Variants in MYO9A observed in about 807,000 individuals in gnomAD.
MYO9A encodes myosin IXA.
Under a neutral mutation model 293.3 loss-of-function variants are expected in MYO9A, and 103 were observed. The ratio of observed to expected loss-of-function variants is 0.35; its 90% CI spans 0.30 to 0.41. The LOEUF (loss-of-function observed/expected upper bound fraction) is 0.41. Ranked by LOEUF, MYO9A falls within the 10% of genes least tolerant of loss-of-function variation. The probability of loss-of-function intolerance (pLI) is 1.00; values close to 1 mark genes in which losing one functional copy is unlikely to be tolerated. For missense variants in MYO9A, 2,685 were observed against 3,033.0 expected (o/e 0.89, Z 2.69); for synonymous variants, 1,001 against 1,035.7 (o/e 0.97, Z 0.64).
intron 32 of MYO9A, among the ~76,000 whole-genome samples, chr15:71,866,907 A>T (rs1043854693): frequency 1.3e-5 from 2 of 152,178 alleles, no homozygotes; most frequent in East Asian, 3.9e-4. Context: ...AAATACAAAA[A>T]TTAGCCAGGC....
chr15:72,056,048 C>T (rs186806997), intron 1 of MYO9A, among the ~76,000 whole-genome samples: 23 of 152,156 alleles, frequency 1.5e-4, no homozygotes, highest in Middle Eastern at 6.8e-3. Context: ...ACCAACATGG[C>T]GAAACCCCAT....
intron 1 of MYO9A, among the ~76,000 whole-genome samples, chr15:72,107,481 A>T (rs1439239504): frequency 6.6e-6 from 1 of 152,200 alleles, no homozygotes; most frequent in Non-Finnish European, 1.5e-5. Context: ...CCCCGGAGGC[A>T]GAAGTTGCAG....
chr15:72,029,842 T>C (rs1361689562), intron 3 of MYO9A, among the ~76,000 whole-genome samples: 1 of 152,204 alleles, frequency 6.6e-6, no homozygotes, highest in African/African-American at 2.4e-5. Context: ...AAGCTTTAGA[T>C]TACTGAATCC....
intron 1 of MYO9A, among the ~76,000 whole-genome samples, chr15:72,116,309 C>T (rs2080975842): frequency 6.6e-6 from 1 of 152,154 alleles, no homozygotes; most frequent in African/African-American, 2.4e-5. Context: ...GTGTGTATGA[C>T]TACAAAGACC....
Position 71,979,935 on chromosome 15 carries a change from G to A in MYO9A, c.1723-1643C>T, listed in dbSNP as rs549036226. Among the ~76,000 whole-genome samples the A allele has an allele frequency of 4.6e-5, 7 of 152,296 alleles. No homozygotes were observed. In the South Asian group the frequency reaches 6.2e-4, roughly 14 times the overall value. ...GATGCTGATGCTATTATTGAGGAGA[G>A]AGAAGGAATAAACTTTGAGAATCAC... On this transcript the variant is annotated intron_variant, in intron 11 of 41. Coordinates refer to ENST00000356056, the MANE Select transcript of MYO9A (RefSeq NM_006901.4).
At chr15:71,936,375 G>T (rs927043814) in intron 16 of MYO9A, among the ~76,000 whole-genome samples, 4 of 152,110 alleles carry the variant, frequency 2.6e-5, no homozygotes, top group African/African-American at 9.7e-5. Context: ...CGAAGTTACA[G>T]TAAGACAACA....
In MYO9A at chr15:72,046,406, A is replaced by T. The variant is rs1243864830; in HGVS notation, c.158T>A (p.Leu53His). The T allele has an allele frequency of 6.2e-7, 1 of 1,614,052 alleles. No homozygotes were observed. Among genetic ancestry groups the T allele is most frequent in the African/African-American group, 1.3e-5 (1 of 74,914 alleles). The change falls in exon 2 of 42, where the codon CTT becomes CAT. Residue 53 changes from leucine to histidine, a missense_variant. This residue lies in a region of MYO9A where 22 missense variants were observed against 47.2 expected (regional missense o/e 0.47). Coordinates refer to ENST00000356056, the MANE Select transcript of MYO9A (RefSeq NM_006901.4). ...ATAACATTTTGTTTTGTCAAGATGA[A>T]GTTTGTTTATAAGAGACTCAATCAC... ...AEVIESLINK[L>H]HLDKTKCYVL...
At chr15:71,875,974 G>A (rs1032200523) in intron 31 of MYO9A, 136 bp from the exon 32 acceptor site, 1 of 444,484 alleles carries the variant, frequency 2.2e-6, no homozygotes. Flanking sequence ...GAGGAACTGT[G>A]CAGTGCTAAT....
Position 71,826,577 on chromosome 15 carries a change from G to T in MYO9A, c.*3C>A, listed in dbSNP as rs573783945. ...AGCCACGGAGGGACACACATCTGCC[G>T]GTTCAGACCATAAATTCATTATTTC... On this transcript the variant is annotated 3_prime_UTR_variant, in exon 42 of 42. Coordinates refer to ENST00000356056, the MANE Select transcript of MYO9A (RefSeq NM_006901.4). The T allele has an allele frequency of 1.3e-6, 2 of 1,576,948 alleles. No individual in the cohort carries two copies. The highest frequency in any genetic ancestry group is 2.4e-5 in the South Asian group (2 of 83,470).
At chr15:71,926,615 G>A (rs927616895) in intron 18 of MYO9A, among the ~76,000 whole-genome samples, 7 of 152,176 alleles carry the variant, frequency 4.6e-5, no homozygotes, top group South Asian at 4.1e-4. Context: ...GCTAAGGCAC[G>A]AGAACTGATT....
chr15:71,828,541 A>G (rs2054600807), intron 40 of MYO9A, among the ~76,000 whole-genome samples: 1 of 152,044 alleles, frequency 6.6e-6, no homozygotes, highest in African/African-American at 2.4e-5. Flanking sequence ...GAAGAAAAAC[A>G]CTGATTGATC....
At chr15:72,098,206 T>A (rs920388250) in intron 1 of MYO9A, among the ~76,000 whole-genome samples, 2 of 151,740 alleles carry the variant, frequency 1.3e-5, no homozygotes, top group African/African-American at 4.8e-5. Context: ...AGGTCATAAA[T>A]GGCAACATGG....
chr15:71,904,892 G>C, intron 20 of MYO9A, 34 bp downstream of exon 20: 1 of 1,492,924 alleles, frequency 6.7e-7, no homozygotes, highest in South Asian at 1.2e-5. Context: ...GAAGTAAGCT[G>C]AGATATGTGC....
chr15:72,098,053 T>A (rs1018717354), intron 1 of MYO9A, among the ~76,000 whole-genome samples: 1 of 152,176 alleles, frequency 6.6e-6, no homozygotes, highest in Admixed American at 6.5e-5. Flanking sequence ...ACAAATGTAT[T>A]TTTCAAAGAT....
intron 13 of MYO9A, 80 bp from the exon 14 acceptor site, chr15:71,960,176 G>A: frequency 8.0e-7 from 1 of 1,256,248 alleles, no homozygotes; most frequent in Non-Finnish European, 1.1e-6. Context: ...ACATACTTTG[G>A]ATGCTTGTCC....
chr15:72,098,599 GA>G (rs1043845173), intron 1 of MYO9A, among the ~76,000 whole-genome samples: 2 of 151,442 alleles, frequency 1.3e-5, no homozygotes, highest in Non-Finnish European at 2.9e-5. Flanking sequence ...AGTATAATAG[GA>G]AAAAAAATTA....
intron 21 of MYO9A, 125 bp from the exon 22 acceptor site, chr15:71,903,188 G>T: frequency 1.3e-6 from 1 of 761,484 alleles, no homozygotes; most frequent in Non-Finnish European, 2.0e-6. Context: ...AGACGTGCAT[G>T]TTAATTTAAG....
intron 39 of MYO9A, among the ~76,000 whole-genome samples, chr15:71,833,213 T>A (rs1247335722): frequency 9.4e-5 from 14 of 149,052 alleles, no homozygotes; most frequent in African/African-American, 3.2e-4. Context: ...TTGGGCCATA[T>A]AAAAAAAAAG....
chr15:71,893,100 G>A (rs1039138215), intron 26 of MYO9A: 29 of 1,289,878 alleles, frequency 2.2e-5, no homozygotes, highest in South Asian at 6.2e-5. Context: ...CCTCCCCATC[G>A]GCAAAAGTAC....
Sources: allele counts gnomAD v4.1 joint callset (sites outside exome capture counted in the v4.1 genomes callset), GRCh38; gene constraint gnomAD v4.1.1; regional missense constraint gnomAD v4.1.1; transcripts MANE v1.5; gene names NCBI Gene and HGNC (gene_info 2026-07-23, HGNC 2026-07-21).